CLASRP: variants seen among roughly 807,000 people sequenced by gnomAD.
CLASRP encodes CLK4 associating serine/arginine rich protein, also known as CLK4-associating serine/arginine rich protein.
Under a neutral mutation model 99.9 loss-of-function variants are expected in CLASRP, and 52 were observed. The observed-to-expected ratio is 0.52, with a 90% confidence interval of 0.42 to 0.66. The LOEUF is 0.66. Ranked by LOEUF, CLASRP falls within the 30% of genes least tolerant of loss-of-function variation. CLASRP has a pLI of 0.00. For missense variants in CLASRP, 848 were observed against 999.2 expected (o/e 0.85, Z 2.04); for synonymous variants, 379 against 373.0 (o/e 1.02, Z -0.18).
At chr19:45,068,395 C>T (rs753354395) in intron 15 of CLASRP, 25 bp from the exon 16 acceptor site, 3 of 1,431,334 alleles carry the variant, frequency 2.1e-6, no homozygotes, top group Non-Finnish European at 3.0e-6. Context: ...CACCCCCTCT[C>T]CCGCCTCTTC....
chr19:45,064,504 G>T lies in CLASRP; in HGVS notation c.1283G>T (p.Arg428Leu). The T allele has an allele frequency of 2.0e-6, 3 of 1,536,776 alleles. No homozygotes were observed. Among genetic ancestry groups the T allele is most frequent in the Non-Finnish European group, 1.7e-6 (2 of 1,146,048 alleles). ...CGCTCCTGGTCCCGCTCCCGCTCCC[G>T]CTCCCGGCGCTATTCCCGGTCCCGT... ...RSRSWSRSRS[R>L]SRRYSRSRSR... The change falls in exon 13 of 21, where the codon CGC (arginine) becomes CTC (leucine). Residue 428 changes from arginine to leucine, a missense_variant. Physicochemically the swap from Arg to Leu is moderately radical, Grantham distance 102. Transcript: ENST00000221455.
At chr19:45,053,430 C>T (rs1367597008) in intron 5 of CLASRP, among the ~76,000 whole-genome samples, 3 of 151,938 alleles carry the variant, frequency 2.0e-5, no homozygotes, top group Non-Finnish European at 4.4e-5. Flanking sequence ...CTCTGTGGTC[C>T]GTTTTTCTTT....
intron 19 of CLASRP, 68 bp from the exon 20 acceptor site, chr19:45,070,469 C>T (rs1351635999): frequency 2.8e-6 from 4 of 1,447,684 alleles, no homozygotes; most frequent in African/African-American, 1.4e-5. Context: ...GAGGACCTCA[C>T]CCCAGGTCAA....
chr19:45,047,735 AC>A (rs1238549182), intron 2 of CLASRP, among the ~76,000 whole-genome samples: 1 of 152,206 alleles, frequency 6.6e-6, no homozygotes, highest in Admixed American at 6.5e-5. Flanking sequence ...AGTTACTACT[AC>A]TGTACTGTAC....
chr19:45,062,460 C>T (rs2122587474), intron 11 of CLASRP, among the ~76,000 whole-genome samples: 1 of 152,356 alleles, frequency 6.6e-6, no homozygotes, highest in South Asian at 2.1e-4. Flanking sequence ...TCACTACAAG[C>T]TCCGCCTCCC....
intron 1 of CLASRP, 174 bp from the exon 2 acceptor site, chr19:45,040,008 TTG>T (rs1282041882): frequency 2.2e-6 from 1 of 457,244 alleles, no homozygotes; most frequent in African/African-American, 2.0e-5. Flanking sequence ...TAGATCGAAG[TTG>T]TTAGGGATGG....
chr19:45,050,258 G>T (rs1206868262), intron 2 of CLASRP, among the ~76,000 whole-genome samples: 3 of 152,028 alleles, frequency 2.0e-5, no homozygotes, highest in Non-Finnish European at 4.4e-5. Context: ...TGGAGGCAGA[G>T]CCCAGCCTGG....
intron 13 of CLASRP, among the ~76,000 whole-genome samples, chr19:45,066,495 C>T (rs1277518190): frequency 6.6e-6 from 1 of 151,530 alleles, no homozygotes; most frequent in Non-Finnish European, 1.5e-5. Flanking sequence ...TGGTTGTGCA[C>T]ATCTGTAATC....
chr19:45,065,723 G>A (rs754930926), intron 13 of CLASRP, among the ~76,000 whole-genome samples: 1 of 152,182 alleles, frequency 6.6e-6, no homozygotes, highest in African/African-American at 2.4e-5. Flanking sequence ...AGCGACGCTG[G>A]GTTGGTAGGA....
rs368811598 is a variant in CLASRP, at chr19:45,064,006, C to G, written c.906-6C>G. 177 of 1,605,472 alleles carry G rather than the reference C, an allele frequency of 1.1e-4. No individual in the cohort carries two copies. The highest frequency in any genetic ancestry group is 1.4e-4 in the Non-Finnish European group (159 of 1,176,454). On this transcript the variant is annotated splice_polypyrimidine_tract_variant and splice_region_variant and intron_variant, in intron 11 of 20. Coordinates refer to ENST00000221455, the MANE Select transcript of CLASRP (RefSeq NM_007056.3). ...AGCTAGTGAGCCTCCTCCTCCCTAC[C>G]CGCAGGTCACCCTCGGAGTCCAGCT...
intron 2 of CLASRP, among the ~76,000 whole-genome samples, chr19:45,050,793 A>G (rs1266332541): frequency 6.7e-6 from 1 of 149,698 alleles, no homozygotes; most frequent in Non-Finnish European, 1.5e-5. Flanking sequence ...GCTTATTGCA[A>G]CCTACCTCCA....
chr19:45,055,701 C>T (rs1012644464), intron 5 of CLASRP, among the ~76,000 whole-genome samples: 38 of 152,106 alleles, frequency 2.5e-4, no homozygotes, highest in African/African-American at 8.0e-4. Context: ...GGCACGGTGG[C>T]GCCTGCCTGT....
chr19:45,064,901 C>G (rs1246183373), intron 13 of CLASRP, among the ~76,000 whole-genome samples: 1 of 152,142 alleles, frequency 6.6e-6, no homozygotes, highest in African/African-American at 2.4e-5. Flanking sequence ...GTGCATCTCT[C>G]TCTCCTCAGG....
rs1343793533 is a variant in CLASRP at position 45,060,361 on chromosome 19, C to A, written c.711-28C>A. The stretch of plus-strand genomic sequence containing the variant: ...CTTACCCTGTGGCCTGCCCCATCCT[C>A]CACCCTAATTCTCACCCACCTCTAT... On this transcript the variant is annotated intron_variant, in intron 8 of 20. Coordinates refer to ENST00000221455, the MANE Select transcript of CLASRP (RefSeq NM_007056.3). The surrounding 1 kb of genome is among the most constrained non-coding windows in gnomAD (Gnocchi z 4.6). 1 of 1,607,658 alleles carries A rather than the reference C, an allele frequency of 6.2e-7. No individual in the cohort carries two copies.
chr19:45,068,041 C>T lies in CLASRP; in HGVS notation c.1694C>T (p.Thr565Ile). 1 of 1,613,944 alleles carries T rather than the reference C, an allele frequency of 6.2e-7. No individual in the cohort carries two copies. Among genetic ancestry groups the T allele is most frequent in the Non-Finnish European group, 8.5e-7 (1 of 1,179,842 alleles). The change falls in exon 15 of 21, where the codon ACA becomes ATA. Residue 565 changes from threonine (T) to isoleucine (I), a missense_variant. Physicochemically the swap from Thr to Ile is moderately conservative, Grantham distance 89. This residue lies in a region of CLASRP where 116 missense variants were observed against 162.7 expected (regional missense o/e 0.71). Transcript: ENST00000221455. ...ACCGAACCTGCCGCTGGTAAAGAGACAGGAGCTGCCAAAGTCAGTAAGAAT... is the reference window on the plus strand; with the variant it reads ...ACCGAACCTGCCGCTGGTAAAGAGATAGGAGCTGCCAAAGTCAGTAAGAAT... ...KKTEPAAGKE[T>I]GAAKPKLTPQ... is the part of the protein sequence containing the mutation.
At chr19:45,044,230 C>A (rs1196702859) in intron 2 of CLASRP, among the ~76,000 whole-genome samples, 1 of 152,204 alleles carries the variant, frequency 6.6e-6, no homozygotes, top group African/African-American at 2.4e-5. Flanking sequence ...CAGTGCTCAC[C>A]AGCTTGGCAT....
chr19:45,060,239 AG>A lies in CLASRP; in HGVS notation c.711-147del. ...ACCTAAGATAGCACCTGGCACACAGAGGGTGCTTGATAAGTGGCATTGAATG... is the reference window on the plus strand; with the variant it reads ...ACCTAAGATAGCACCTGGCACACAGAGGTGCTTGATAAGTGGCATTGAATG... On this transcript the variant is annotated intron_variant, in intron 8 of 20. Coordinates refer to ENST00000221455, the MANE Select transcript of CLASRP (RefSeq NM_007056.3). The surrounding 1 kb of genome is among the most constrained non-coding windows in gnomAD (Gnocchi z 4.6). The A allele has an allele frequency of 1.5e-6, 1 of 667,394 alleles. No homozygotes were observed. 41.3% of individuals were successfully genotyped at this position (667,394 alleles called of 1,614,324 possible).
intron 8 of CLASRP, among the ~76,000 whole-genome samples, chr19:45,059,787 G>A (rs754393041): frequency 5.3e-5 from 8 of 152,174 alleles, no homozygotes; most frequent in Non-Finnish European, 1.0e-4. Context: ...AACCAGAAAC[G>A]GAGCCTGAGC....
rs1206011488 is a variant in CLASRP at position 45,059,248 on chromosome 19, C to G, written c.614-20C>G. On this transcript the variant is annotated intron_variant, in intron 7 of 20. Transcript: ENST00000221455. ...CCTCTCGCTCGGCCGTGGCTCCTGA[C>G]AGCCTTTCTCTTGGTGCAGACGTGG... 6.9e-6 allele frequency: 11 copies of G among 1,600,096 alleles called. No homozygotes were observed. The highest frequency in any genetic ancestry group is 9.4e-6 in the Non-Finnish European group (11 of 1,172,388).
Sources: allele counts gnomAD v4.1 joint callset (sites outside exome capture counted in the v4.1 genomes callset), GRCh38; gene constraint gnomAD v4.1.1; regional missense constraint gnomAD v4.1.1; non-coding constraint Gnocchi (gnomAD v3.1); transcripts MANE v1.5; gene names NCBI Gene and HGNC (gene_info 2026-07-23, HGNC 2026-07-21).